The following DUSP16 variants were observed in gnomAD, a reference collection of about 807,000 sequenced individuals.
DUSP16 encodes the protein dual specificity protein phosphatase 16.
Under a neutral mutation model 58.3 loss-of-function variants are expected in DUSP16, and 21 were observed. The ratio of observed to expected loss-of-function variants is 0.36; its 90% CI spans 0.26 to 0.52. The LOEUF (loss-of-function observed/expected upper bound fraction) is 0.52, where lower values mean the gene tolerates loss of function less well. Among genes scored for constraint, DUSP16 ranks in the 20% least tolerant of loss-of-function variants. The pLI is 0.94. For missense variants in DUSP16, 726 were observed against 819.0 expected (o/e 0.89, Z 1.39); for synonymous variants, 320 against 323.8 (o/e 0.99, Z 0.12).
In DUSP16 at chr12:12,477,092, G is replaced by A; in HGVS notation, c.1739C>T (p.Ser580Phe). Residue 580 changes from serine to phenylalanine, a missense_variant, in exon 7 of 7, where the codon TCT (serine) becomes TTT (phenylalanine). Ser to Phe is a radical substitution (Grantham distance 155, BLOSUM62 -2). Coordinates refer to ENST00000298573, the MANE Select transcript of DUSP16 (RefSeq NM_030640.3). The surrounding 1 kb of genome is among the most constrained non-coding windows in gnomAD (Gnocchi z 4.1). ...SAIYGGSASY[S>F]AYSCSQLPTC... is the part of the protein sequence containing the mutation. ...GGGCAGCTGGCTGCAGCTGTAGGCA[G>A]AGTAACTGGCACTGCCTCCGTAGAT... 1 of 1,614,272 alleles carries A rather than the reference G, an allele frequency of 6.2e-7. No homozygotes were observed. Among genetic ancestry groups the A allele is most frequent in the South Asian group, 1.1e-5 (1 of 91,092 alleles).
chr12:12,506,390 G>C (rs1943997624), intron 3 of DUSP16, among the ~76,000 whole-genome samples: 1 of 152,158 alleles, frequency 6.6e-6, no homozygotes, highest in Admixed American at 6.5e-5. Context: ...CTCCAAGCTA[G>C]ATTCCATTAC....
At chr12:12,539,880 G>C (rs951449496) in intron 1 of DUSP16, among the ~76,000 whole-genome samples, 1 of 151,734 alleles carries the variant, frequency 6.6e-6, no homozygotes, top group South Asian at 2.1e-4. Flanking sequence ...GTGAAACCCC[G>C]TCTCTACTAA....
rs773572114 is a variant in DUSP16 at position 12,477,330 on chromosome 12, A to G, written c.1501T>C (p.Ser501Pro). The G allele has an allele frequency of 2.8e-5, 46 of 1,614,106 alleles. No homozygotes were observed. Among genetic ancestry groups the G allele is most frequent in the Non-Finnish European group, 3.9e-5 (46 of 1,180,050 alleles). Residue 501 changes from serine to proline, a missense_variant, in exon 7 of 7, where the codon TCT becomes CCT. Coordinates refer to ENST00000298573, the MANE Select transcript of DUSP16 (RefSeq NM_030640.3). The surrounding 1 kb of genome is among the most constrained non-coding windows in gnomAD (Gnocchi z 4.1). ...ACGCTCCCACTTCGATGCAGTGGAG[A>G]TAAAAGGGACCTCTGGGCGGTGCCA... The part of the protein sequence containing the change: ...SSGTAQRSLL[S>P]PLHRSGSVED...
Position 12,528,153 on chromosome 12 carries a change from TCTC to T in DUSP16, c.-365-6693_-365-6691del, listed in dbSNP as rs543767909. Among the ~76,000 whole-genome samples the T allele has an allele frequency of 8.4e-4, 128 of 152,164 alleles. 3 individuals are homozygous for T. Among genetic ancestry groups the T allele is most frequent in the Admixed American group, 6.9e-3 (105 of 15,278 alleles). ...TTCCCCTTCCCTGACCCACCTGAGCTCTCCTCCTCCTTCCCCCTCCCAACCTTC... is the reference window on the plus strand; with the variant it reads ...TTCCCCTTCCCTGACCCACCTGAGCTCTCCTCCTTCCCCCTCCCAACCTTC... On this transcript the variant is annotated intron_variant, in intron 1 of 6. Transcript: ENST00000298573.
intron 4 of DUSP16, among the ~76,000 whole-genome samples, chr12:12,496,567 T>TA (rs1172949736): frequency 6.6e-6 from 1 of 152,236 alleles, no homozygotes; most frequent in Non-Finnish European, 1.5e-5. Context: ...TCACCTCAGA[T>TA]ACAGTTCTGC....
chr12:12,535,271 CAATCTT>C (rs1356208945), intron 1 of DUSP16, among the ~76,000 whole-genome samples: 1 of 152,118 alleles, frequency 6.6e-6, no homozygotes, highest in Non-Finnish European at 1.5e-5. Flanking sequence ...GTTTCCCAAA[CAATCTT>C]AATAGCAAAA....
At chr12:12,519,313 A>G (rs1043689337) in intron 3 of DUSP16, among the ~76,000 whole-genome samples, 1 of 152,238 alleles carries the variant, frequency 6.6e-6, no homozygotes, top group Non-Finnish European at 1.5e-5. Context: ...AAATAAAAAT[A>G]TACAAGTAAC....
rs1325444573 is a variant in DUSP16 at position 12,474,605 on chromosome 12, A to T, written c.*2228T>A. 6.6e-6 allele frequency: 1 copy of T among 152,322 alleles called. No homozygotes were observed. Among genetic ancestry groups the T allele is most frequent in the Non-Finnish European group, 1.5e-5 (1 of 68,046 alleles). The allele number at this position is 152,322 out of a possible 1,614,324, so 9.4% of individuals were successfully genotyped here. A position where few individuals can be genotyped will look rare whatever the true frequency, so the allele number is the denominator to read the frequency against. On this transcript the variant is annotated 3_prime_UTR_variant, in exon 7 of 7. Transcript: ENST00000298573. Reference sequence around the variant, plus strand: ...GCAGTCTCGATTCCAAGAACTGATTATCTGACACTAGTGAACCAGCACTAA... The same window carrying T: ...GCAGTCTCGATTCCAAGAACTGATTTTCTGACACTAGTGAACCAGCACTAA...
chr12:12,525,583 A>G (rs530016261), intron 1 of DUSP16, among the ~76,000 whole-genome samples: 18 of 152,156 alleles, frequency 1.2e-4, no homozygotes, highest in Non-Finnish European at 2.4e-4. Context: ...AACTTAAAAG[A>G]TAACTCCAGC....
chr12:12,492,667 C>A (rs1203662011), intron 4 of DUSP16, among the ~76,000 whole-genome samples: 1 of 152,036 alleles, frequency 6.6e-6, no homozygotes, highest in East Asian at 1.9e-4. Context: ...TTGAAAGAAC[C>A]CCTTCTACTT....
intron 1 of DUSP16, among the ~76,000 whole-genome samples, chr12:12,554,948 G>A (rs2136272084): frequency 6.6e-6 from 1 of 152,148 alleles, no homozygotes; most frequent in East Asian, 1.9e-4. Flanking sequence ...CATATACCAT[G>A]TACAGTTTAC....
intron 6 of DUSP16, among the ~76,000 whole-genome samples, chr12:12,478,754 TA>T (rs1943507041): frequency 6.6e-6 from 1 of 152,206 alleles, no homozygotes; most frequent in African/African-American, 2.4e-5. Context: ...CATCCCCTCT[TA>T]AAGTCACCAG....
At chr12:12,479,491 C>G (rs2136188134) in intron 6 of DUSP16, among the ~76,000 whole-genome samples, 1 of 152,248 alleles carries the variant, frequency 6.6e-6, no homozygotes, top group East Asian at 1.9e-4. Flanking sequence ...ACCAGAGGAC[C>G]CACGTCCTCC....
At chr12:12,548,463 C>A (rs1325461070) in intron 1 of DUSP16, among the ~76,000 whole-genome samples, 1 of 151,832 alleles carries the variant, frequency 6.6e-6, no homozygotes, top group Non-Finnish European at 1.5e-5. Flanking sequence ...GAAACCCCAT[C>A]TCTACTAAAT....
At chr12:12,506,960 G>T (rs10845563) in intron 3 of DUSP16, among the ~76,000 whole-genome samples, 3 of 151,922 alleles carry the variant, frequency 2.0e-5, no homozygotes, top group East Asian at 1.9e-4. Context: ...CCATGAAAAC[G>T]TCTTCCCTTA....
chr12:12,485,032 T>TA (rs1269135566), intron 5 of DUSP16, among the ~76,000 whole-genome samples: 2 of 146,358 alleles, frequency 1.4e-5, no homozygotes, highest in African/African-American at 5.0e-5. Context: ...TTTTTTGAGA[T>TA]AGAGTTTCAC....
intron 4 of DUSP16, among the ~76,000 whole-genome samples, chr12:12,492,724 T>C (rs986330968): frequency 2.6e-5 from 4 of 152,030 alleles, no homozygotes; most frequent in Non-Finnish European, 4.4e-5. Context: ...ACCCACTCCA[T>C]TCAGGCTTTC....
At chr12:12,516,090 T>A (rs1944148340) in intron 3 of DUSP16, among the ~76,000 whole-genome samples, 1 of 144,544 alleles carries the variant, frequency 6.9e-6, no homozygotes, top group African/African-American at 2.6e-5. Flanking sequence ...ATGGAGAACT[T>A]TCTAAAGCAT....
At chr12:12,493,456 T>C (rs1292496075) in intron 4 of DUSP16, among the ~76,000 whole-genome samples, 2 of 152,176 alleles carry the variant, frequency 1.3e-5, no homozygotes, top group African/African-American at 4.8e-5. Context: ...ATCCTAACAA[T>C]GTAAGTCAGA....
Sources: gnomAD v4.1 joint callset for allele counts (sites outside exome capture counted in the v4.1 genomes callset) on GRCh38, gnomAD v4.1.1 for gene constraint, Gnocchi (gnomAD v3.1) non-coding constraint, MANE v1.5 for transcripts, NCBI Gene and HGNC (gene_info 2026-07-23, HGNC 2026-07-21) for gene names.